The following ATAD2B variants were observed in gnomAD, a reference collection of about 807,000 sequenced individuals.
ATAD2B encodes ATPase family AAA domain-containing protein 2B.
ATAD2B carries 40 observed loss-of-function variants against 167.6 expected under a neutral mutation model. The observed-to-expected ratio is 0.24, with a 90% CI of 0.19 to 0.31. The LOEUF (loss-of-function observed/expected upper bound fraction) is 0.31. ATAD2B is among the 10% of genes least tolerant of loss of function. The probability of loss-of-function intolerance (pLI) is 1.00; values close to 1 mark genes in which losing one functional copy is unlikely to be tolerated. For synonymous variants in ATAD2B, 579 were observed against 596.5 expected (o/e 0.97, Z 0.43); for missense variants, 1,242 against 1,757.2 (o/e 0.71, Z 5.24).
At chr2:23,875,791 G>T in intron 8 of ATAD2B, 38 bp downstream of exon 8, 1 of 1,377,484 alleles carries the variant, frequency 7.3e-7, no homozygotes, top group South Asian at 1.2e-5. Context: ...GTCTCTCATT[G>T]ACAAATGCAA....
At chr2:23,922,793 CA>C (rs1704145954) in intron 1 of ATAD2B, among the ~76,000 whole-genome samples, 1 of 150,778 alleles carries the variant, frequency 6.6e-6, no homozygotes, top group African/African-American at 2.4e-5. Context: ...AAATGCAAAT[CA>C]AAACCACAAT....
chr2:23,823,274 C>G lies in ATAD2B; in HGVS notation c.2115G>C (p.Gln705His). Residue 705 changes from glutamine to histidine, a missense_variant, in exon 16 of 28, where the codon CAG becomes CAC. This residue lies in a region of ATAD2B where 145 missense variants were observed against 181.9 expected (regional missense o/e 0.80). Coordinates refer to ENST00000238789, the MANE Select transcript of ATAD2B (RefSeq NM_017552.4). The part of the protein sequence containing the change: ...QKVFPHAEIS[Q>H]SDKKEDIETL... ...TTAGAGTACCTTCTTTTTTGTCACT[C>G]TGGCTAATTTCAGCATGAGGAAACA... 1 of 1,606,676 alleles carries G rather than the reference C, an allele frequency of 6.2e-7. No homozygotes were observed. The highest frequency in any genetic ancestry group is 8.5e-7 in the Non-Finnish European group (1 of 1,176,132).
At chr2:23,691,824 G>A in the ATAD2B span, 22 of 1,551,466 alleles carry the variant, frequency 1.4e-5, no homozygotes, top group Admixed American at 3.9e-5. Flanking sequence ...TGCTGGAGGC[G>A]GCCAGCAAGT....
chr2:23,892,467 T>C (rs1699666228), intron 2 of ATAD2B, among the ~76,000 whole-genome samples: 1 of 149,854 alleles, frequency 6.7e-6, no homozygotes, highest in Non-Finnish European at 1.5e-5. Context: ...CCCGGTTTTT[T>C]CTTTTCTTTT....
At chr2:23,678,482 C>T in the ATAD2B span, among the ~76,000 whole-genome samples, 2 of 152,136 alleles carry the variant, frequency 1.3e-5, no homozygotes, top group East Asian at 1.9e-4. Context: ...CATGAGAGAC[C>T]ACGTGGAGCA....
intron 13 of ATAD2B, among the ~76,000 whole-genome samples, chr2:23,834,413 C>T (rs1432917530): frequency 3.9e-5 from 6 of 151,946 alleles, no homozygotes; most frequent in Non-Finnish European, 7.4e-5. Context: ...CCACCTGCCT[C>T]GGCCTCGCAA....
chr2:23,711,274 T>A, the ATAD2B span, among the ~76,000 whole-genome samples: 2 of 150,010 alleles, frequency 1.3e-5, no homozygotes, highest in Non-Finnish European at 3.0e-5. Flanking sequence ...TTTTATAAGA[T>A]ATAAATATAT....
the ATAD2B span, chr2:23,697,991 T>C: frequency 1.3e-5 from 2 of 152,200 alleles, no homozygotes; most frequent in Admixed American, 6.5e-5. Context: ...AAGACACTGA[T>C]TACTCATTTT....
intron 8 of ATAD2B, among the ~76,000 whole-genome samples, chr2:23,874,128 A>C (rs1696427511): frequency 6.6e-6 from 1 of 152,060 alleles, no homozygotes; most frequent in Non-Finnish European, 1.5e-5. Flanking sequence ...CGGAGGTTGC[A>C]GTGAGCCGAG....
the ATAD2B span, among the ~76,000 whole-genome samples, chr2:23,681,934 G>A: frequency 6.6e-6 from 1 of 152,116 alleles, no homozygotes; most frequent in Admixed American, 6.5e-5. This position sits in a 1 kb window ranked among gnomAD's most constrained non-coding sequence, Gnocchi z 4.2. Flanking sequence ...CGCCTGGGCT[G>A]TGCGCAGGCG....
chr2:23,876,834 G>A lies in ATAD2B; in HGVS notation c.902-930C>T, dbSNP rs1367364821. Among the ~76,000 whole-genome samples, 6 of 151,716 alleles carry A rather than the reference G, an allele frequency of 4.0e-5. 1 individual carries two copies. The highest frequency in any genetic ancestry group is 1.9e-4 in the East Asian group (1 of 5,160). ...TGTAATCCCAGCACTTTGGGAGGCC[G>A]AGGCAGGTGGATCACCTGAGGTCAG... On this transcript the variant is annotated intron_variant, in intron 7 of 27. Transcript: ENST00000238789.
At chr2:23,865,359 T>C (rs1040179447) in intron 10 of ATAD2B, among the ~76,000 whole-genome samples, 2 of 152,160 alleles carry the variant, frequency 1.3e-5, no homozygotes, top group South Asian at 2.1e-4. Context: ...TGAAACACCA[T>C]CTCTACTAAA....
In ATAD2B at chr2:23,779,665, A is replaced by G. The variant is rs1679703029; in HGVS notation, c.3133+3204T>C. Among the ~76,000 whole-genome samples, 3 of 152,316 alleles carry G rather than the reference A, an allele frequency of 2.0e-5. 1 individual carries two copies. The highest frequency in any genetic ancestry group is 4.1e-4 in the South Asian group (2 of 4,828). On this transcript the variant is annotated intron_variant, in intron 22 of 27. Transcript: ENST00000238789. ...AGCGTTTATAAAAGAGGAAAAAACT[A>G]AAAAATCTAATATGTCCAACAATCG...
chr2:23,745,300 C>T (rs1011881023), downstream of ATAD2B, among the ~76,000 whole-genome samples: 24 of 145,368 alleles, frequency 1.7e-4, no homozygotes, highest in Non-Finnish European at 3.1e-4. Context: ...CAAGCAAGCA[C>T]GCACGCAAGA....
intron 22 of ATAD2B, among the ~76,000 whole-genome samples, chr2:23,782,340 G>C (rs918086281): frequency 6.6e-6 from 1 of 152,144 alleles, no homozygotes; most frequent in Non-Finnish European, 1.5e-5. Flanking sequence ...TTGTTTTACT[G>C]CAGATATATT....
chr2:23,870,285 C>T (rs1452776518), intron 8 of ATAD2B, among the ~76,000 whole-genome samples: 8 of 105,642 alleles, frequency 7.6e-5, no homozygotes, highest in African/African-American at 1.1e-4. Flanking sequence ...CAGTAACCAA[C>T]TTTTTTTTTT....
At chr2:23,760,933 CA>C (rs1676665462) in intron 24 of ATAD2B, among the ~76,000 whole-genome samples, 1 of 151,948 alleles carries the variant, frequency 6.6e-6, no homozygotes, top group Non-Finnish European at 1.5e-5. Context: ...TAATGTAAAA[CA>C]GAAAAATTAT....
At chr2:23,731,778 C>T in the ATAD2B span, among the ~76,000 whole-genome samples, 2 of 152,022 alleles carry the variant, frequency 1.3e-5, no homozygotes, top group Non-Finnish European at 2.9e-5. Context: ...AAGTTCAAGA[C>T]CAGCTTGGGC....
the ATAD2B span, among the ~76,000 whole-genome samples, chr2:23,721,536 T>C: frequency 6.6e-6 from 1 of 151,990 alleles, no homozygotes; most frequent in South Asian, 2.1e-4. Flanking sequence ...ATCCCAGGCC[T>C]AAGAAACAGC....
Sources: allele counts gnomAD v4.1 joint callset (sites outside exome capture counted in the v4.1 genomes callset), GRCh38; gene constraint gnomAD v4.1.1; regional missense constraint gnomAD v4.1.1; non-coding constraint Gnocchi (gnomAD v3.1); transcripts MANE v1.5; gene names NCBI Gene and HGNC (gene_info 2026-07-23, HGNC 2026-07-21).